Variants in SLC25A18 observed in about 807,000 individuals in gnomAD.
SLC25A18 encodes mitochondrial glutamate carrier 2.
Under a neutral mutation model 31.1 loss-of-function variants are expected in SLC25A18, and 24 were observed. That is an observed-to-expected ratio of 0.77 (90% CI 0.56 to 1.08). SLC25A18 has a LOEUF of 1.08. Among genes scored for constraint, SLC25A18 ranks in the 50% least tolerant of loss-of-function variants. The probability of loss-of-function intolerance (pLI) is 0.00; values close to 1 mark genes in which losing one functional copy is unlikely to be tolerated. For missense variants in SLC25A18, 371 were observed against 418.5 expected (o/e 0.89, Z 0.99); for synonymous variants, 173 against 161.9 (o/e 1.07, Z -0.52).
At chr22:17,576,124 C>T (rs776336400) in intron 2 of SLC25A18, among the ~76,000 whole-genome samples, 14 of 152,150 alleles carry the variant, frequency 9.2e-5, no homozygotes, top group East Asian at 3.9e-4. Context: ...GAGGCTGAGG[C>T]GGGCAGATCA....
At chr22:17,585,638 ATTATTATTATTATTTT>A (rs755734702) in intron 7 of SLC25A18, among the ~76,000 whole-genome samples, 2 of 131,460 alleles carry the variant, frequency 1.5e-5, no homozygotes, top group Non-Finnish European at 3.2e-5. Flanking sequence ...TTATTTTATT[ATTATTATTATTATTTT>A]TTTTTTTTTT....
At chr22:17,576,827 T>A (rs1179032511) in intron 2 of SLC25A18, among the ~76,000 whole-genome samples, 1 of 152,206 alleles carries the variant, frequency 6.6e-6, no homozygotes, top group Non-Finnish European at 1.5e-5. Flanking sequence ...CTGTTAGCTA[T>A]GCTATGGAGT....
intron 8 of SLC25A18, 73 bp from the exon 9 acceptor site, chr22:17,587,852 A>T: frequency 6.3e-7 from 1 of 1,594,136 alleles, no homozygotes; most frequent in African/African-American, 1.4e-5. Context: ...CTCACAGCAA[A>T]GCTCATTGTC....
At chr22:17,576,272 A>G (rs2057227020) in intron 2 of SLC25A18, among the ~76,000 whole-genome samples, 1 of 152,060 alleles carries the variant, frequency 6.6e-6, no homozygotes, top group Admixed American at 6.6e-5. Flanking sequence ...GAATAGCTTG[A>G]ACCCAGGAGG....
chr22:17,587,389 C>T, intron 8 of SLC25A18, 88 bp downstream of exon 8: 1 of 1,462,070 alleles, frequency 6.8e-7, no homozygotes, highest in Non-Finnish European at 9.1e-7. Context: ...GCCTCTGTGT[C>T]CTTCCCAGAA....
intron 1 of SLC25A18, 21 bp downstream of exon 1, chr22:17,563,734 C>T: frequency 1.0e-6 from 1 of 985,108 alleles, no homozygotes; most frequent in Non-Finnish European, 1.2e-6. Flanking sequence ...ATTAAATACC[C>T]ACCGTGAGCC....
chr22:17,573,006 A>C (rs1219489743), intron 2 of SLC25A18, among the ~76,000 whole-genome samples: 1 of 152,082 alleles, frequency 6.6e-6, no homozygotes, highest in African/African-American at 2.4e-5. Context: ...TCAACAACCC[A>C]GGAGGCTGAG....
intron 2 of SLC25A18, among the ~76,000 whole-genome samples, chr22:17,570,610 G>A (rs1343571514): frequency 6.6e-5 from 10 of 152,084 alleles, no homozygotes; most frequent in African/African-American, 2.4e-4. Context: ...TCAGCCTCCC[G>A]AGTAGCTGGG....
chr22:17,584,444 AAG>A (rs1212826860), intron 7 of SLC25A18, among the ~76,000 whole-genome samples: 79 of 123,462 alleles, frequency 6.4e-4, no homozygotes, highest in African/African-American at 1.4e-3. Flanking sequence ...GGAAGGAAGG[AAG>A]GAGAGAGAGA....
At chr22:17,576,194 A>T (rs541665455) in intron 2 of SLC25A18, among the ~76,000 whole-genome samples, 8 of 152,112 alleles carry the variant, frequency 5.3e-5, no homozygotes, top group African/African-American at 1.4e-4. Flanking sequence ...TCTACTAAAA[A>T]TACAAAAATT....
Position 17,568,381 on chromosome 22 carries a change from A to G in SLC25A18, c.-263-1543A>G, listed in dbSNP as rs111240499. Among the ~76,000 whole-genome samples the G allele has an allele frequency of 4.1e-3, 610 of 149,262 alleles. 6 individuals are homozygous for G. The highest frequency in any genetic ancestry group is 0.014 in the African/African-American group (576 of 40,114). On this transcript the variant is annotated intron_variant, in intron 1 of 10. Coordinates refer to ENST00000327451, the MANE Select transcript of SLC25A18 (RefSeq NM_031481.3). ...GACTCCATCTCAAAAAAAAAAAAAAAGGCAGATGAGAATAAAGGAAGGAGG... is the reference window on the plus strand; with the variant it reads ...GACTCCATCTCAAAAAAAAAAAAAAGGGCAGATGAGAATAAAGGAAGGAGG...
intron 10 of SLC25A18, 75 bp downstream of exon 10, chr22:17,589,740 G>C: frequency 7.2e-7 from 1 of 1,389,534 alleles, no homozygotes; most frequent in Non-Finnish European, 1.0e-6. Flanking sequence ...ACCAGATTTA[G>C]AGACCAACTT....
chr22:17,587,684 C>T (rs2057590205), intron 8 of SLC25A18, among the ~76,000 whole-genome samples: 1 of 152,234 alleles, frequency 6.6e-6, no homozygotes, highest in Non-Finnish European at 1.5e-5. Context: ...TTGCCTCTGG[C>T]AGTCAAGAGG....
rs2056862306 is a variant in SLC25A18, at chr22:17,563,598, A to G, written c.-379A>G. 2 of 899,506 alleles carry G rather than the reference A, an allele frequency of 2.2e-6. No individual in the cohort carries two copies. The highest frequency in any genetic ancestry group is 1.2e-4 in the Admixed American group (2 of 16,180). The allele number at this position is 899,506 out of a possible 1,614,324, so 55.7% of individuals were successfully genotyped here. On this transcript the variant is annotated 5_prime_UTR_variant, in exon 1 of 11. Coordinates refer to ENST00000327451, the MANE Select transcript of SLC25A18 (RefSeq NM_031481.3). ...TGAAGCCAGTTCCTTGGATATATCC[A>G]CGGGCTTTGCTTTGAGAAGGAACTG... is the stretch of plus-strand genomic sequence containing the variant.
At chr22:17,589,284 G>C (rs956722060) in intron 9 of SLC25A18, 2 of 252,924 alleles carry the variant, frequency 7.9e-6, no homozygotes, top group Non-Finnish European at 7.8e-6. Context: ...TGGTTCAAGC[G>C]ATTCTCCTGC....
At chr22:17,581,308 G>A (rs1380885050) in intron 4 of SLC25A18, 50 bp from the exon 5 acceptor site, 2 of 1,610,810 alleles carry the variant, frequency 1.2e-6, no homozygotes, top group African/African-American at 1.3e-5. Context: ...GCATGGAGGC[G>A]GCTGGGAGGC....
intron 7 of SLC25A18, chr22:17,584,160 G>A (rs937361988): frequency 6.8e-6 from 5 of 730,380 alleles, no homozygotes; most frequent in East Asian, 1.3e-4. Context: ...TTGGGAGGCC[G>A]AGGCGGGCGG....
At chr22:17,565,390 A>G (rs1601245459) in intron 1 of SLC25A18, among the ~76,000 whole-genome samples, 1 of 151,656 alleles carries the variant, frequency 6.6e-6, no homozygotes, top group South Asian at 2.1e-4. Flanking sequence ...CAAATTTTCT[A>G]TTTTTTAATA....
Position 17,563,569 on chromosome 22 carries a change from G to C in SLC25A18, c.-408G>C, listed in dbSNP as rs753163390. On this transcript the variant is annotated 5_prime_UTR_variant, in exon 1 of 11. Coordinates refer to ENST00000327451, the MANE Select transcript of SLC25A18 (RefSeq NM_031481.3). The stretch of plus-strand genomic sequence containing the variant: ...TTAAAGCTGGACAGAATTTTTAAAA[G>C]CAATGAAGCCAGTTCCTTGGATATA... 3 of 635,818 alleles carry C rather than the reference G, an allele frequency of 4.7e-6. No homozygotes were observed. The highest frequency in any genetic ancestry group is 1.4e-4 in the South Asian group (2 of 14,294). The allele number at this position is 635,818 out of a possible 1,614,324, so 39.4% of individuals were successfully genotyped here. A position where few individuals can be genotyped will look rare whatever the true frequency, so the allele number is the denominator to read the frequency against.
Sources: gnomAD v4.1 joint callset for allele counts (sites outside exome capture counted in the v4.1 genomes callset) on GRCh38, gnomAD v4.1.1 for gene constraint, MANE v1.5 for transcripts, NCBI Gene and HGNC (gene_info 2026-07-23, HGNC 2026-07-21) for gene names.